The following SH3RF1 variants were observed in gnomAD, a reference collection of about 807,000 sequenced individuals.
The protein encoded by SH3RF1 is SH3 domain containing ring finger 1.
SH3RF1 carries 32 observed loss-of-function variants against 74.0 expected under a neutral mutation model. That is an observed-to-expected ratio of 0.43 (90% CI 0.33 to 0.58). SH3RF1 has a LOEUF of 0.58. Among genes scored for constraint, SH3RF1 ranks in the 20% least tolerant of loss-of-function variants. The pLI, the probability that SH3RF1 is intolerant of heterozygous loss-of-function variation, is 0.05. For synonymous variants in SH3RF1, 396 were observed against 439.6 expected (o/e 0.90, Z 1.24); for missense variants, 954 against 1,130.9 (o/e 0.84, Z 2.24).
intron 2 of SH3RF1, among the ~76,000 whole-genome samples, chr4:169,195,181 T>C (rs2126986799): frequency 6.6e-6 from 1 of 152,326 alleles, no homozygotes; most frequent in East Asian, 1.9e-4. Flanking sequence ...ATATGGTTGT[T>C]GGGTATAGAA....
intron 8 of SH3RF1, among the ~76,000 whole-genome samples, chr4:169,119,229 A>T (rs1053531381): frequency 2.0e-5 from 3 of 151,120 alleles, no homozygotes; most frequent in African/African-American, 7.3e-5. Context: ...TCAACCTCCA[A>T]AGTAGCTGGG....
Position 169,162,270 on chromosome 4 carries a change from T to C in SH3RF1, c.394-5591A>G, listed in dbSNP as rs1004251860. 6.6e-5 allele frequency among the ~76,000 whole-genome samples: 10 copies of C among 152,372 alleles called. No individual in the cohort carries two copies. The South Asian group carries it at 1.9e-3, about 28-fold the overall frequency. ...ATAATAACAGTATTTCATGAAAATA[T>C]TGATTCTTTAACAGTTAATAACTCC... On this transcript the variant is annotated intron_variant, in intron 2 of 11. Transcript: ENST00000284637.
intron 11 of SH3RF1, 79 bp from the exon 12 acceptor site, chr4:169,096,766 C>G: frequency 7.8e-7 from 1 of 1,289,434 alleles, no homozygotes; most frequent in Non-Finnish European, 1.1e-6. Flanking sequence ...TCTGCACGAA[C>G]CTTCAACATA....
intron 10 of SH3RF1, among the ~76,000 whole-genome samples, chr4:169,115,526 A>T (rs1464028268): frequency 6.6e-6 from 1 of 152,132 alleles, no homozygotes; most frequent in Non-Finnish European, 1.5e-5. Flanking sequence ...ACTGTCTGCC[A>T]TCATGCCCAG....
intron 2 of SH3RF1, chr4:169,166,552 A>G (rs1042208434): frequency 4.0e-5 from 8 of 199,660 alleles, no homozygotes; most frequent in Non-Finnish European, 7.6e-5. Context: ...TTACAAAACC[A>G]GTTGGTGGTG....
At chr4:169,259,103 T>C (rs1245668316) in intron 2 of SH3RF1, among the ~76,000 whole-genome samples, 1 of 152,162 alleles carries the variant, frequency 6.6e-6, no homozygotes, top group Non-Finnish European at 1.5e-5. Flanking sequence ...GACCACTCAT[T>C]ACATATTAAA....
chr4:169,256,411 A>C (rs1277595045), intron 2 of SH3RF1, among the ~76,000 whole-genome samples: 1 of 152,172 alleles, frequency 6.6e-6, no homozygotes, highest in African/African-American at 2.4e-5. Context: ...TGACTCAACC[A>C]GTGTCACACT....
At chr4:169,163,620 G>A (rs548266204) in intron 2 of SH3RF1, among the ~76,000 whole-genome samples, 30 of 152,196 alleles carry the variant, frequency 2.0e-4, no homozygotes, top group Non-Finnish European at 4.1e-4. Context: ...TCTGGAGACA[G>A]TTCCCAATTA....
At chr4:169,137,381 C>G (rs1295063824) in intron 4 of SH3RF1, among the ~76,000 whole-genome samples, 3 of 152,042 alleles carry the variant, frequency 2.0e-5, no homozygotes, top group Non-Finnish European at 4.4e-5. Flanking sequence ...ATATTATCAG[C>G]AAGAAAGGAA....
At chr4:169,139,164 A>G (rs1733745270) in intron 4 of SH3RF1, among the ~76,000 whole-genome samples, 1 of 152,158 alleles carries the variant, frequency 6.6e-6, no homozygotes, top group African/African-American at 2.4e-5. Context: ...CTGGTGTCGA[A>G]CTTCTGAGCT....
In SH3RF1 at chr4:169,213,346, T is replaced by C. The variant is rs562334180; in HGVS notation, c.393+55474A>G. Among the ~76,000 whole-genome samples, 3 of 152,358 alleles carry C rather than the reference T, an allele frequency of 2.0e-5. No homozygotes were observed. The East Asian group carries it at 5.8e-4, about 29-fold the overall frequency. ...TGGTGAAGTGTCTGTTCAGGTCTTTTGCCCATTTTTCAATCCAATGGTTCA... is the reference window on the plus strand; with the variant it reads ...TGGTGAAGTGTCTGTTCAGGTCTTTCGCCCATTTTTCAATCCAATGGTTCA... On this transcript the variant is annotated intron_variant, in intron 2 of 11. Transcript: ENST00000284637.
At chr4:169,228,304 C>T (rs573967877) in intron 2 of SH3RF1, among the ~76,000 whole-genome samples, 1 of 152,262 alleles carries the variant, frequency 6.6e-6, no homozygotes, top group African/African-American at 2.4e-5. Flanking sequence ...CTTAAGATAA[C>T]ACAAATTTGT....
chr4:169,151,112 T>C (rs1377954991), intron 4 of SH3RF1, among the ~76,000 whole-genome samples: 1 of 152,184 alleles, frequency 6.6e-6, no homozygotes, highest in African/African-American at 2.4e-5. Context: ...CCTTTCATTA[T>C]AAAAGTTCAT....
At chr4:169,153,913 C>T (rs1734011728) in intron 4 of SH3RF1, among the ~76,000 whole-genome samples, 1 of 152,148 alleles carries the variant, frequency 6.6e-6, no homozygotes, top group Non-Finnish European at 1.5e-5. Flanking sequence ...TCTGGATTTG[C>T]CATGGGTGGA....
intron 2 of SH3RF1, among the ~76,000 whole-genome samples, chr4:169,216,589 C>T (rs1289566586): frequency 6.6e-6 from 1 of 152,002 alleles, no homozygotes; most frequent in Non-Finnish European, 1.5e-5. Context: ...CTCTATAGTC[C>T]GAGAACTATG....
chr4:169,196,380 A>G (rs940950636), intron 2 of SH3RF1, among the ~76,000 whole-genome samples: 3 of 152,250 alleles, frequency 2.0e-5, no homozygotes, highest in South Asian at 2.1e-4. Flanking sequence ...AGGACCTGCT[A>G]TATGTGTCAT....
intron 4 of SH3RF1, among the ~76,000 whole-genome samples, chr4:169,140,544 AGAAAGAATG>A (rs1165665200): frequency 1.3e-5 from 2 of 152,238 alleles, no homozygotes; most frequent in Admixed American, 6.5e-5. Flanking sequence ...TCTAAAATGT[AGAAAGAATG>A]TGTTTTTGAG....
intron 10 of SH3RF1, among the ~76,000 whole-genome samples, chr4:169,115,704 A>C (rs752321962): frequency 1.4e-4 from 22 of 151,956 alleles, no homozygotes; most frequent in Non-Finnish European, 2.6e-4. Flanking sequence ...CCCCGCCACC[A>C]CCCCTGGGTC....
intron 2 of SH3RF1, among the ~76,000 whole-genome samples, chr4:169,178,592 A>C (rs1734460270): frequency 6.6e-6 from 1 of 152,166 alleles, no homozygotes; most frequent in African/African-American, 2.4e-5. Flanking sequence ...GAGGAGTCTG[A>C]AGGTGATGAA....
Sources: allele counts gnomAD v4.1 joint callset (sites outside exome capture counted in the v4.1 genomes callset), GRCh38; gene constraint gnomAD v4.1.1; transcripts MANE v1.5; gene names NCBI Gene and HGNC (gene_info 2026-07-23, HGNC 2026-07-21).